The following CNST variants were observed in gnomAD, a reference collection of about 807,000 sequenced individuals.
CNST encodes the protein consortin.
CNST carries 39 observed loss-of-function variants against 72.4 expected under a neutral mutation model. That is an observed-to-expected ratio of 0.54 (90% confidence interval 0.42 to 0.70). The LOEUF is 0.70. Ranked by LOEUF, CNST falls within the 30% of genes least tolerant of loss-of-function variation. The pLI, the probability that CNST is intolerant of heterozygous loss-of-function variation, is 0.00. For synonymous variants in CNST, 332 were observed against 320.1 expected, an observed-to-expected ratio of 1.04 and a Z score of -0.40; for missense variants, 871 against 868.5, an observed-to-expected ratio of 1.00 and a Z score of -0.04.
intron 2 of CNST, among the ~76,000 whole-genome samples, chr1:246,601,040 C>T (rs1409682737): frequency 3.3e-5 from 5 of 152,106 alleles, no homozygotes; most frequent in Non-Finnish European, 7.3e-5. Flanking sequence ...CATGGTGGCT[C>T]ACACCTGTAA....
intron 9 of CNST, 82 bp downstream of exon 9, chr1:246,648,119 T>A: frequency 6.7e-7 from 1 of 1,484,924 alleles, no homozygotes; most frequent in Non-Finnish European, 8.9e-7. Context: ...CTTGTTTTTG[T>A]AAGTTTTCCC....
chr1:246,661,880 T>C (rs1322653651), intron 10 of CNST, among the ~76,000 whole-genome samples: 2 of 152,204 alleles, frequency 1.3e-5, no homozygotes, highest in Admixed American at 1.3e-4. Flanking sequence ...TAACCCCTGA[T>C]TTTACTTCTG....
Position 246,593,405 on chromosome 1 carries a change from C to T in CNST, c.379+1464C>T, listed in dbSNP as rs981991550. Among the ~76,000 whole-genome samples the T allele has an allele frequency of 1.4e-4, 21 of 151,878 alleles. 1 individual carries two copies. The highest frequency in any genetic ancestry group is 2.1e-4 in the Non-Finnish European group (14 of 67,982). ...TGGTGCAATCTCAGCTCACTGCAAC[C>T]TCCGCCTCCTGGATTCAAGCAATTC... On this transcript the variant is annotated intron_variant, in intron 2 of 10. Transcript: ENST00000366513.
At chr1:246,589,788 C>G (rs2103023298) in intron 1 of CNST, among the ~76,000 whole-genome samples, 1 of 152,292 alleles carries the variant, frequency 6.6e-6, no homozygotes, top group Admixed American at 6.5e-5. Context: ...TGTTTCCTGA[C>G]TTTTTAATGA....
At chr1:246,605,914 G>T (rs1373837746) in intron 2 of CNST, 1 of 152,136 alleles carries the variant, frequency 6.6e-6, no homozygotes, top group Non-Finnish European at 1.5e-5. Flanking sequence ...GGTGCAAGCG[G>T]CCTTGCGCCT....
At chr1:246,664,940 A>G (rs1180645957) in intron 10 of CNST, among the ~76,000 whole-genome samples, 1 of 152,196 alleles carries the variant, frequency 6.6e-6, no homozygotes, top group Non-Finnish European at 1.5e-5. Flanking sequence ...GTTTTCTTCA[A>G]TATAGAAAGA....
At chr1:246,652,808 T>C (rs953428346) in intron 9 of CNST, among the ~76,000 whole-genome samples, 14 of 150,706 alleles carry the variant, frequency 9.3e-5, no homozygotes, top group South Asian at 2.1e-4. Flanking sequence ...ATCGAGACCA[T>C]CCTGGCTAAC....
At chr1:246,652,349 G>A (rs1426284958) in intron 9 of CNST, among the ~76,000 whole-genome samples, 7 of 152,304 alleles carry the variant, frequency 4.6e-5, no homozygotes, top group Middle Eastern at 3.4e-3. Context: ...TGCGCACTCA[G>A]CTTGTACAGA....
chr1:246,614,401 G>A (rs932476470), intron 2 of CNST, among the ~76,000 whole-genome samples: 1 of 152,112 alleles, frequency 6.6e-6, no homozygotes, highest in African/African-American at 2.4e-5. Context: ...CAGATTTACA[G>A]ATCAGAGATG....
At chr1:246,664,618 G>T (rs937735659) in intron 10 of CNST, among the ~76,000 whole-genome samples, 3 of 151,844 alleles carry the variant, frequency 2.0e-5, no homozygotes, top group Non-Finnish European at 4.4e-5. Flanking sequence ...AGTAGAGACG[G>T]GGTTTCACCG....
At chr1:246,635,258 A>G (rs1665123959) in intron 6 of CNST, among the ~76,000 whole-genome samples, 1 of 151,744 alleles carries the variant, frequency 6.6e-6, no homozygotes, top group African/African-American at 2.4e-5. Context: ...GTTGGTATCC[A>G]TCGTGTCGTT....
chr1:246,627,956 C>T (rs558519943), intron 3 of CNST, among the ~76,000 whole-genome samples: 18 of 149,416 alleles, frequency 1.2e-4, no homozygotes, highest in Non-Finnish European at 2.7e-4. Flanking sequence ...AGTATTAACT[C>T]GCATGATCAC....
intron 3 of CNST, among the ~76,000 whole-genome samples, chr1:246,629,411 AG>A (rs1453352670): frequency 6.6e-6 from 1 of 151,714 alleles, no homozygotes; most frequent in Non-Finnish European, 1.5e-5. Flanking sequence ...TTTACTTTTG[AG>A]GCACTGGGTT....
In CNST at chr1:246,591,853, T is replaced by C. The variant is rs376539157; in HGVS notation, c.291T>C (p.Asp97=). The change falls in exon 2 of 11, where the codon GAT becomes GAC. Residue 97 remains aspartate (D), a synonymous_variant. Transcript: ENST00000366513. ...LQNTLCEASR[D]EQAFLGKDKK... Reference sequence around the variant, plus strand: ...ACACCCTTTGTGAAGCCTCCAGAGATGAACAGGCCTTCTTGGGAAAGGACA... The same window carrying C: ...ACACCCTTTGTGAAGCCTCCAGAGACGAACAGGCCTTCTTGGGAAAGGACA... The C allele has an allele frequency of 6.2e-7, 1 of 1,613,692 alleles. No homozygotes were observed. The highest frequency in any genetic ancestry group is 1.3e-5 in the African/African-American group (1 of 74,772).
intron 10 of CNST, 71 bp from the exon 11 acceptor site, chr1:246,665,629 G>A (rs557215592): frequency 7.9e-7 from 1 of 1,271,078 alleles, no homozygotes; most frequent in East Asian, 2.3e-5. Context: ...ATCTTAATTA[G>A]TGAAAAGACA....
intron 1 of CNST, among the ~76,000 whole-genome samples, chr1:246,586,141 G>GTGTGTGTGTGTGTGTA (rs1488972688): frequency 8.3e-5 from 12 of 145,166 alleles, no homozygotes; most frequent in African/African-American, 2.8e-4. Context: ...GTGTGTGTGT[G>GTGTGTGTGTGTGTGTA]TATATATTAC....
intron 10 of CNST, among the ~76,000 whole-genome samples, chr1:246,665,180 T>G: frequency 6.6e-6 from 1 of 152,120 alleles, no homozygotes; most frequent in East Asian, 1.9e-4. Flanking sequence ...GACCACCCTC[T>G]GCAGCATAGT....
At chr1:246,634,683 C>T in intron 6 of CNST, 96 bp downstream of exon 6, 1 of 715,036 alleles carries the variant, frequency 1.4e-6, no homozygotes, top group Non-Finnish European at 2.4e-6. Flanking sequence ...ATGTTTTCAA[C>T]TGGAGAAATT....
In CNST at chr1:246,610,149, G is replaced by A. The variant is rs150659276; in HGVS notation, c.380-11280G>A. Reference sequence around the variant, plus strand: ...TACAAAAAATTAGCCAGGCATGGTAGCGAGCACCTGTAATCCCAGCTACTT... The same window carrying A: ...TACAAAAAATTAGCCAGGCATGGTAACGAGCACCTGTAATCCCAGCTACTT... On this transcript the variant is annotated intron_variant, in intron 2 of 10. Coordinates refer to ENST00000366513, the MANE Select transcript of CNST (RefSeq NM_152609.3). 9.0e-3 allele frequency among the ~76,000 whole-genome samples: 1,366 copies of A among 152,202 alleles called. 10 individuals are homozygous for A. Among genetic ancestry groups the A allele is most frequent in the Middle Eastern group, 0.027 (8 of 294 alleles).
Sources: allele counts gnomAD v4.1 joint callset (sites outside exome capture counted in the v4.1 genomes callset), GRCh38; gene constraint gnomAD v4.1.1; transcripts MANE v1.5; gene names NCBI Gene and HGNC (gene_info 2026-07-23, HGNC 2026-07-21).